Variants in DGKH observed in about 807,000 individuals in gnomAD.
The protein encoded by DGKH is diacylglycerol kinase eta, also known as DAG kinase eta.
Under a neutral mutation model 159.3 loss-of-function variants are expected in DGKH, and 90 were observed. The observed-to-expected ratio is 0.57, with a 90% CI of 0.48 to 0.67. DGKH has a LOEUF of 0.67. DGKH is among the 30% of genes least tolerant of loss of function. DGKH has a pLI of 0.00. For synonymous variants in DGKH, 536 were observed against 553.8 expected (o/e 0.97, Z 0.45); for missense variants, 1,181 against 1,506.1 (o/e 0.78, Z 3.57).
At chr13:42,199,135 G>A (rs1381566844) in intron 18 of DGKH, among the ~76,000 whole-genome samples, 1 of 152,122 alleles carries the variant, frequency 6.6e-6, no homozygotes, top group Non-Finnish European at 1.5e-5. Context: ...GAATGGATTG[G>A]ATCTAGTACT....
chr13:42,073,873 T>C (rs1407458549), intron 1 of DGKH, among the ~76,000 whole-genome samples: 1 of 152,208 alleles, frequency 6.6e-6, no homozygotes, highest in African/African-American at 2.4e-5. Context: ...ATGTGGTTAA[T>C]GACAGTCGTG....
At chr13:42,178,032 T>G (rs1341217707) in intron 12 of DGKH, 103 bp from the exon 13 acceptor site, 1 of 651,240 alleles carries the variant, frequency 1.5e-6, no homozygotes, top group African/African-American at 1.8e-5. Context: ...GTGATTGCCT[T>G]GCCTAAACAT....
intron 1 of DGKH, among the ~76,000 whole-genome samples, chr13:42,097,876 A>T (rs964554080): frequency 6.6e-6 from 1 of 152,188 alleles, no homozygotes; most frequent in African/African-American, 2.4e-5. Context: ...TTATCCTGGC[A>T]TCCAGAGGTA....
chr13:42,083,715 C>G (rs1954253693), intron 1 of DGKH, among the ~76,000 whole-genome samples: 1 of 152,114 alleles, frequency 6.6e-6, no homozygotes, highest in Non-Finnish European at 1.5e-5. Flanking sequence ...TAATCTTTTC[C>G]CTTTAGGGAG....
chr13:42,130,393 G>C (rs1013466651), intron 3 of DGKH, among the ~76,000 whole-genome samples: 3 of 152,122 alleles, frequency 2.0e-5, no homozygotes, highest in Middle Eastern at 3.2e-3. Context: ...CATTCACAAA[G>C]TATGGATTGA....
chr13:42,047,798 G>C (rs1045023485), upstream of DGKH, among the ~76,000 whole-genome samples: 3 of 152,160 alleles, frequency 2.0e-5, no homozygotes, highest in Non-Finnish European at 4.4e-5. Context: ...CGCATGGCTC[G>C]AGTGTATTGT....
At chr13:42,044,480 G>T (rs1488936514), upstream of DGKH, among the ~76,000 whole-genome samples, 1 of 151,978 alleles carries the variant, frequency 6.6e-6, no homozygotes, top group Admixed American at 6.6e-5. Context: ...TAGTAGACAC[G>T]GGGTTTCACC....
intron 29 of DGKH, among the ~76,000 whole-genome samples, chr13:42,223,970 C>G (rs1667559): frequency 0.36 from 54,621 of 151,888 alleles, 10,154 homozygotes; most frequent in East Asian, 0.6. Context: ...ATTTAACACC[C>G]ACTTATGAGT....
In DGKH at chr13:42,209,338, C is replaced by A. The variant is rs148688241; in HGVS notation, c.2723C>A (p.Thr908Lys). The change falls in exon 23 of 30, where the codon ACA becomes AAA. Residue 908 changes from threonine to lysine, a missense_variant. This residue lies in a region of DGKH where 335 missense variants were observed against 495.2 expected (regional missense o/e 0.68). Coordinates refer to ENST00000337343, the MANE Select transcript of DGKH (RefSeq NM_178009.5). ...TGATTTGTTTTATTTCAGTGCCGTA[C>A]AGTGAAAATCACTATATTTGGTGAC... is the stretch of plus-strand genomic sequence containing the variant. ...LQHHRIAQCR[T>K]VKITIFGDEG... The A allele has an allele frequency of 6.2e-7, 1 of 1,610,870 alleles. No homozygotes were observed. The highest frequency in any genetic ancestry group is 1.7e-5 in the Admixed American group (1 of 59,104).
intron 7 of DGKH, among the ~76,000 whole-genome samples, chr13:42,162,594 A>G (rs1956213519): frequency 6.6e-6 from 1 of 152,198 alleles, no homozygotes; most frequent in Non-Finnish European, 1.5e-5. Context: ...ATCTGAGGTC[A>G]GAAGTTCAAG....
At chr13:42,068,129 C>T (rs189115967) in intron 1 of DGKH, among the ~76,000 whole-genome samples, 58 of 152,086 alleles carry the variant, frequency 3.8e-4, no homozygotes, top group African/African-American at 9.4e-4. Context: ...GTATGTGGAC[C>T]GCCTTAGGAT....
chr13:42,224,905 T>TAC (rs1958081904), intron 29 of DGKH, among the ~76,000 whole-genome samples: 1 of 144,372 alleles, frequency 6.9e-6, no homozygotes, highest in Non-Finnish European at 1.5e-5. Flanking sequence ...AAAAAAAAAA[T>TAC]ATATATATAT....
Position 42,165,453 on chromosome 13 carries a change from G to A in DGKH, c.958+20G>A. 7.3e-7 allele frequency: 1 copy of A among 1,360,774 alleles called. No individual in the cohort carries two copies. The highest frequency in any genetic ancestry group is 1.0e-6 in the Non-Finnish European group (1 of 996,400). 84.3% of individuals were successfully genotyped at this position (1,360,774 alleles called of 1,614,324 possible). On this transcript the variant is annotated intron_variant, in intron 8 of 29. Transcript: ENST00000337343. ...CCGATGGTATGTAGCAGTAGTGTAA[G>A]TACGTATATTTCTGGTATATTTAAC... is the stretch of plus-strand genomic sequence containing the variant.
intron 1 of DGKH, among the ~76,000 whole-genome samples, chr13:42,120,328 AAAT>A (rs1282940024): frequency 1.3e-5 from 2 of 152,196 alleles, no homozygotes; most frequent in Non-Finnish European, 2.9e-5. Flanking sequence ...CATTTTTATA[AAAT>A]AATGTTTAAT....
chr13:42,114,528 C>T (rs1283033045), intron 1 of DGKH, among the ~76,000 whole-genome samples: 2 of 152,158 alleles, frequency 1.3e-5, no homozygotes, highest in African/African-American at 4.8e-5. Flanking sequence ...GCAGGCTACT[C>T]AGGGAGACAG....
At chr13:42,223,823 T>G (rs981166690) in intron 29 of DGKH, among the ~76,000 whole-genome samples, 2 of 152,082 alleles carry the variant, frequency 1.3e-5, no homozygotes, top group Non-Finnish European at 2.9e-5. Flanking sequence ...AGTGGTTAAG[T>G]CAGGGCTTTT....
chr13:42,159,248 T>TTTTTTTTTTTG lies in DGKH; in HGVS notation c.623-8_623-7insGTTTTTTTTTT. The TTTTTTTTTTTG allele has an allele frequency of 1.2e-6, 1 of 816,556 alleles. No homozygotes were observed. Among genetic ancestry groups the TTTTTTTTTTTG allele is most frequent in the East Asian group, 3.2e-5 (1 of 31,328 alleles). 50.6% of individuals were successfully genotyped at this position (816,556 alleles called of 1,614,324 possible). ...GTCCACTTAAAAGCAGTTGCTCTTT[T>TTTTTTTTTTTG]TTTTTTTTTTTTTTTAGTGTGTAAA... On this transcript the variant is annotated splice_polypyrimidine_tract_variant and intron_variant, in intron 5 of 29. Transcript: ENST00000337343.
chr13:42,219,704 A>C lies in DGKH; in HGVS notation c.3352A>C (p.Thr1118Pro). The change falls in exon 28 of 30, where the codon ACC becomes CCC. Residue 1118 changes from threonine (T) to proline (P), a missense_variant. Thr to Pro is a conservative substitution (Grantham distance 38, BLOSUM62 -1). Around this residue, in one of 5 missense-constraint regions of DGKH, gnomAD observed 335 missense variants for 495.2 expected, o/e 0.68. Coordinates refer to ENST00000337343, the MANE Select transcript of DGKH (RefSeq NM_178009.5). ...NEDEEPPMDC[T>P]KRNNRSTVFR... is the part of the protein sequence containing the mutation. ...TGAACAGGAACCTCCTATGGATTGCACCAAAAGGAACAACAGAAGCACCGT... is the reference window on the plus strand; with the variant it reads ...TGAACAGGAACCTCCTATGGATTGCCCCAAAAGGAACAACAGAAGCACCGT... 2 of 1,613,788 alleles carry C rather than the reference A, an allele frequency of 1.2e-6. No homozygotes were observed. Among genetic ancestry groups the C allele is most frequent in the Non-Finnish European group, 8.5e-7 (1 of 1,179,810 alleles).
Position 42,194,951 on chromosome 13 carries a change from C to G in DGKH, c.2102C>G (p.Pro701Arg). 1 of 1,614,060 alleles carries G rather than the reference C, an allele frequency of 6.2e-7. No homozygotes were observed. Among genetic ancestry groups the G allele is most frequent in the South Asian group, 1.1e-5 (1 of 91,074 alleles). The stretch of plus-strand genomic sequence containing the variant: ...GGCCATTCCCAAACTGATTCTGTCC[C>G]TGGTCCAGCTGTGGCAGCCAGCAAA... ...SYGHSQTDSV[P>R]GPAVAASKEN... The change falls in exon 17 of 30, where the codon CCT becomes CGT. Residue 701 changes from proline to arginine, a missense_variant. This residue lies in a region of DGKH where 257 missense variants were observed against 281.5 expected (regional missense o/e 0.91). Coordinates refer to ENST00000337343, the MANE Select transcript of DGKH (RefSeq NM_178009.5).
Sources: allele counts gnomAD v4.1 joint callset (sites outside exome capture counted in the v4.1 genomes callset), GRCh38; gene constraint gnomAD v4.1.1; regional missense constraint gnomAD v4.1.1; transcripts MANE v1.5; gene names NCBI Gene and HGNC (gene_info 2026-07-23, HGNC 2026-07-21).